OSMR: variants seen among roughly 807,000 people sequenced by gnomAD.
OSMR encodes oncostatin M receptor, also known as oncostatin-M-specific receptor subunit beta.
Under a neutral mutation model 99.9 loss-of-function variants are expected in OSMR, and 81 were observed. That is an observed-to-expected ratio of 0.81 (90% CI 0.68 to 0.97). The LOEUF is 0.97. Ranked by LOEUF, OSMR falls within the 50% of genes least tolerant of loss-of-function variation. The pLI is 0.00. For synonymous variants in OSMR, 406 were observed against 410.4 expected (o/e 0.99, Z 0.13); for missense variants, 1,099 against 1,153.4 (o/e 0.95, Z 0.68).
In OSMR at chr5:38,853,833, A is replaced by G. The variant is rs12657728; in HGVS notation, c.-14+7446A>G. On this transcript the variant is annotated intron_variant, in intron 1 of 17. Coordinates refer to ENST00000274276, the MANE Select transcript of OSMR (RefSeq NM_003999.3). ...CTTATAACACTGGTGGAAACACTTA[A>G]CCATTATCCAGTGGACAGGTTCAAG... Among the ~76,000 whole-genome samples the G allele has an allele frequency of 0.014, 2,157 of 152,276 alleles. 75 individuals carry two copies. The East Asian group carries it at 0.15, about 10-fold the overall frequency.
chr5:38,849,470 TTG>T (rs778156374), intron 1 of OSMR, among the ~76,000 whole-genome samples: 35,478 of 150,036 alleles, frequency 0.24, 4,301 homozygotes, highest in South Asian at 0.38. Context: ...TTTTTTTTGT[TTG>T]TTTTTCCCTA....
At chr5:38,866,642 G>C (rs1334809767) in intron 1 of OSMR, among the ~76,000 whole-genome samples, 1 of 152,004 alleles carries the variant, frequency 6.6e-6, no homozygotes, top group Non-Finnish European at 1.5e-5. Context: ...GGAATGTGGA[G>C]AGCAGGGTCT....
chr5:38,854,689 A>T (rs1740707583), intron 1 of OSMR, among the ~76,000 whole-genome samples: 1 of 152,232 alleles, frequency 6.6e-6, no homozygotes, highest in African/African-American at 2.4e-5. Context: ...TTATTCATTT[A>T]TCAAATACTT....
chr5:38,861,274 C>T (rs958915531), intron 1 of OSMR, among the ~76,000 whole-genome samples: 4 of 150,742 alleles, frequency 2.7e-5, no homozygotes, highest in African/African-American at 5.0e-5. Flanking sequence ...GCGGGCCTTC[C>T]GCAGTGTTTG....
Position 38,933,512 on chromosome 5 carries a change from C to T in OSMR, c.*68C>T. Reference sequence around the variant, plus strand: ...AAGAGCAGAGCTGGCACCCTGTCATCACCAGTGGCCTTGGTCCTTAATCCC... The same window carrying T: ...AAGAGCAGAGCTGGCACCCTGTCATTACCAGTGGCCTTGGTCCTTAATCCC... On this transcript the variant is annotated 3_prime_UTR_variant, in exon 18 of 18. Coordinates refer to ENST00000274276, the MANE Select transcript of OSMR (RefSeq NM_003999.3). 6.4e-7 allele frequency: 1 copy of T among 1,553,594 alleles called. No individual in the cohort carries two copies. The highest frequency in any genetic ancestry group is 1.7e-5 in the Admixed American group (1 of 59,834).
At chr5:38,943,127 C>A in intron 1 of OSMR, 1 of 513,622 alleles carries the variant, frequency 1.9e-6, no homozygotes, top group South Asian at 3.4e-5. Context: ...ATTAAATATT[C>A]CTGTCACACA....
chr5:38,919,172 T>G (rs1181479173), intron 11 of OSMR, 110 bp downstream of exon 11: 1 of 1,547,476 alleles, frequency 6.5e-7, no homozygotes, highest in African/African-American at 1.4e-5. Context: ...AGACAAAATG[T>G]CTAGTCACTA....
intron 1 of OSMR, chr5:38,943,102 T>G (rs374224225): frequency 9.2e-6 from 5 of 542,986 alleles, no homozygotes; most frequent in East Asian, 8.6e-5. Context: ...GGGTGATGAC[T>G]TGAGAATATA....
intron 15 of OSMR, among the ~76,000 whole-genome samples, chr5:38,928,667 T>A (rs1022666145): frequency 2.0e-5 from 3 of 152,082 alleles, no homozygotes; most frequent in Non-Finnish European, 4.4e-5. Context: ...CAATTTGAGA[T>A]GAAATTTGGG....
At chr5:38,887,654 C>G (rs1029244544) in intron 7 of OSMR, among the ~76,000 whole-genome samples, 3 of 152,010 alleles carry the variant, frequency 2.0e-5, no homozygotes, top group African/African-American at 7.2e-5. Context: ...TCAGAAATAT[C>G]CTCACTATTC....
intron 11 of OSMR, chr5:38,921,383 C>A: frequency 3.3e-6 from 2 of 614,524 alleles, no homozygotes; most frequent in Non-Finnish European, 4.1e-6. Context: ...GGTTGGGCTT[C>A]AGAAGGTCAA....
chr5:38,916,372 G>T (rs1025033189), intron 9 of OSMR, among the ~76,000 whole-genome samples: 1 of 152,102 alleles, frequency 6.6e-6, no homozygotes, highest in East Asian at 1.9e-4. Context: ...ACTACCTTGA[G>T]TTCAAATCTT....
rs1343201004 is a variant in OSMR, at chr5:38,885,474, T to A, written c.829T>A (p.Leu277Ile). 1.9e-6 allele frequency: 3 copies of A among 1,614,036 alleles called. No homozygotes were observed. In the Admixed American group the frequency reaches 5.0e-5, roughly 27 times the overall value. ...WSKQPSQSYT[L>I]FESFSGEKKL... Reference sequence around the variant, plus strand: ...TAAACAACCTTCCCAAAGCTACACTTTATTTGAATCGTAAGTTGGCTCTGG... The same window carrying A: ...TAAACAACCTTCCCAAAGCTACACTATATTTGAATCGTAAGTTGGCTCTGG... Residue 277 changes from leucine (L) to isoleucine (I), a missense_variant, in exon 6 of 18, where the codon TTA becomes ATA. By Grantham distance (5) the Leu-to-Ile change is conservative (BLOSUM62 2). Coordinates refer to ENST00000274276, the MANE Select transcript of OSMR (RefSeq NM_003999.3).
rs569558261 is a variant in OSMR at position 38,882,735 on chromosome 5, A to G, written c.418+971A>G. The stretch of plus-strand genomic sequence containing the variant: ...TGCGCACGTTAAACTAATAATACTA[A>G]TGAGATAATAATAATTGAATTAAAT... On this transcript the variant is annotated intron_variant, in intron 4 of 17. Transcript: ENST00000274276. Among the ~76,000 whole-genome samples, 23 of 152,344 alleles carry G rather than the reference A, an allele frequency of 1.5e-4. No homozygotes were observed. The South Asian group carries it at 4.1e-3, about 27-fold the overall frequency.
At chr5:38,944,292 G>C (rs542447316) in exon 2 of OSMR, 1 of 752,488 alleles carries the variant, frequency 1.3e-6, no homozygotes, top group African/African-American at 1.7e-5. Flanking sequence ...TTTGGCTGAA[G>C]TATTAAAGAA....
chr5:38,873,021 A>G (rs1488979489), intron 2 of OSMR, among the ~76,000 whole-genome samples: 2 of 152,214 alleles, frequency 1.3e-5, no homozygotes, highest in African/African-American at 4.8e-5. Flanking sequence ...AATGTTATGC[A>G]ACAATCACCC....
chr5:38,871,625 C>T (rs1579668159), intron 2 of OSMR, among the ~76,000 whole-genome samples: 1 of 152,310 alleles, frequency 6.6e-6, no homozygotes, highest in Middle Eastern at 3.4e-3. Context: ...TACATGTTTC[C>T]ATCAGCCAGA....
At chr5:38,890,624 C>G (rs1184148549) in intron 7 of OSMR, among the ~76,000 whole-genome samples, 1 of 137,250 alleles carries the variant, frequency 7.3e-6, no homozygotes, top group Non-Finnish European at 1.6e-5. Flanking sequence ...TTTGTCTTAT[C>G]TTGGCTGAAA....
chr5:38,905,696 CAGCCTGACACCAG>C (rs1745182711), intron 9 of OSMR, among the ~76,000 whole-genome samples: 1 of 152,188 alleles, frequency 6.6e-6, no homozygotes, highest in Non-Finnish European at 1.5e-5. Context: ...CACGTCCAGG[CAGCCTGACACCAG>C]AGCTCCACCC....
Sources: gnomAD v4.1 joint callset for allele counts (sites outside exome capture counted in the v4.1 genomes callset) on GRCh38, gnomAD v4.1.1 for gene constraint, MANE v1.5 for transcripts, NCBI Gene and HGNC (gene_info 2026-07-23, HGNC 2026-07-21) for gene names.